AVL9: variants seen among roughly 807,000 people sequenced by gnomAD.
AVL9 encodes the protein AVL9 cell migration associated, also known as late secretory pathway protein AVL9 homolog.
In AVL9, 49 loss-of-function variants were observed where a neutral mutation model predicts 79.2. The ratio of observed to expected loss-of-function variants is 0.62; its 90% CI spans 0.49 to 0.79. AVL9 has a LOEUF of 0.79. Ranked by LOEUF, AVL9 falls within the 30% of genes least tolerant of loss-of-function variation. The pLI, the probability that AVL9 is intolerant of heterozygous loss-of-function variation, is 0.00. For synonymous variants in AVL9, 299 were observed against 280.6 expected (o/e 1.07, Z -0.65); for missense variants, 682 against 776.8 (o/e 0.88, Z 1.45).
At chr7:32,579,873 CT>C (rs1337611999) in intron 13 of AVL9, among the ~76,000 whole-genome samples, 1 of 151,134 alleles carries the variant, frequency 6.6e-6, no homozygotes, top group Non-Finnish European at 1.5e-5. Context: ...CTTGACTGTC[CT>C]GGGGAGCTTG....
At chr7:32,515,957 A>G (rs1783512743) in intron 1 of AVL9, among the ~76,000 whole-genome samples, 1 of 152,010 alleles carries the variant, frequency 6.6e-6, no homozygotes, top group Non-Finnish European at 1.5e-5. Context: ...ACTTTTCTCT[A>G]CCCTATTCCT....
chr7:32,531,144 ATTAG>A (rs1235999874), intron 1 of AVL9, among the ~76,000 whole-genome samples: 1 of 152,146 alleles, frequency 6.6e-6, no homozygotes, highest in Non-Finnish European at 1.5e-5. Context: ...CAGAAATGGC[ATTAG>A]TTAGTGATTG....
At chr7:32,575,867 G>C (rs1791071503) in intron 12 of AVL9, 88 bp from the exon 13 acceptor site, 3 of 881,560 alleles carry the variant, frequency 3.4e-6, no homozygotes, top group Non-Finnish European at 3.7e-6. Flanking sequence ...AGGGGATAAA[G>C]TCGTTCCTTT....
At chr7:32,557,864 T>TG (rs1790140803) in intron 8 of AVL9, among the ~76,000 whole-genome samples, 32 of 49,280 alleles carry the variant, frequency 6.5e-4, no homozygotes, top group South Asian at 1.7e-3. Context: ...TTTTTTTTTT[T>TG]TTTTTTTTTG....
intron 1 of AVL9, among the ~76,000 whole-genome samples, chr7:32,539,661 A>C (rs1789085631): frequency 6.6e-6 from 1 of 152,220 alleles, no homozygotes; most frequent in African/African-American, 2.4e-5. Flanking sequence ...CTTGCTGCTG[A>C]AAAATTACCA....
intron 13 of AVL9, among the ~76,000 whole-genome samples, chr7:32,577,449 C>A (rs944029442): frequency 6.6e-6 from 1 of 152,170 alleles, no homozygotes; most frequent in East Asian, 1.9e-4. Context: ...GGGCTGAGTT[C>A]AAAGTGTTCT....
At chr7:32,506,199 ATTTTAAACT>A (rs1466460492) in intron 1 of AVL9, among the ~76,000 whole-genome samples, 3 of 152,142 alleles carry the variant, frequency 2.0e-5, no homozygotes, top group African/African-American at 7.2e-5. Context: ...AATTTTAAAA[ATTTTAAACT>A]TTTTAAACAA....
At chr7:32,541,862 G>A (rs752184658) in intron 1 of AVL9, among the ~76,000 whole-genome samples, 6 of 152,072 alleles carry the variant, frequency 3.9e-5, no homozygotes, top group Admixed American at 6.5e-5. Context: ...TTACAGGCAT[G>A]TGCCACCACA....
chr7:32,503,373 T>C (rs144223685), intron 1 of AVL9, among the ~76,000 whole-genome samples: 98,250 of 105,478 alleles, frequency 0.93, 46,201 homozygotes, highest in Non-Finnish European at 1. Flanking sequence ...TATATATATA[T>C]ACACACACAC....
chr7:32,540,380 T>C (rs1363133035), intron 1 of AVL9, among the ~76,000 whole-genome samples: 11 of 152,212 alleles, frequency 7.2e-5, no homozygotes, highest in Admixed American at 6.5e-5. Context: ...CAGTGCTTCA[T>C]GAGTCAGGCA....
At chr7:32,563,000 G>A (rs1048858151) in intron 10 of AVL9, among the ~76,000 whole-genome samples, 26 of 152,084 alleles carry the variant, frequency 1.7e-4, no homozygotes, top group African/African-American at 3.9e-4. Context: ...TGCATATAAC[G>A]TGTGCACATC....
chr7:32,556,833 A>G (rs2128140797), intron 8 of AVL9, among the ~76,000 whole-genome samples: 1 of 152,044 alleles, frequency 6.6e-6, no homozygotes, highest in East Asian at 1.9e-4. Context: ...CGGTGTGATC[A>G]TGGCTCACTG....
At chr7:32,546,829 A>T (rs958906762) in intron 3 of AVL9, among the ~76,000 whole-genome samples, 8 of 150,660 alleles carry the variant, frequency 5.3e-5, no homozygotes, top group South Asian at 4.2e-4. Flanking sequence ...TCAAAAAAAT[A>T]AAAAAAATAA....
intron 13 of AVL9, among the ~76,000 whole-genome samples, chr7:32,578,949 CAGG>C (rs894731113): frequency 2.0e-5 from 3 of 152,052 alleles, no homozygotes; most frequent in African/African-American, 7.2e-5. Flanking sequence ...TAACAAGCAG[CAGG>C]TGTATTTCAT....
chr7:32,518,885 A>G (rs928514439), intron 1 of AVL9, among the ~76,000 whole-genome samples: 2 of 152,244 alleles, frequency 1.3e-5, no homozygotes, highest in African/African-American at 2.4e-5. Flanking sequence ...ACAAGATTTC[A>G]TTAGAAAAAT....
intron 1 of AVL9, among the ~76,000 whole-genome samples, chr7:32,510,697 A>G (rs1484535432): frequency 7.6e-6 from 1 of 131,902 alleles, no homozygotes; most frequent in Non-Finnish European, 1.7e-5. Flanking sequence ...GTGGGAGTCT[A>G]CAGTCCTGGC....
Position 32,544,746 on chromosome 7 carries a change from T to C in AVL9, c.267T>C (p.Phe89=). 2 of 1,613,896 alleles carry C rather than the reference T, an allele frequency of 1.2e-6. No individual in the cohort carries two copies. The highest frequency in any genetic ancestry group is 2.2e-5 in the East Asian group (1 of 44,822). The part of the protein sequence containing the change: ...PPRNGNGATV[F]GISCYRQIEA... Reference sequence around the variant, plus strand: ...GAAATGGAAATGGAGCCACAGTATTTGGTATCTCTTGCTATCGACAAATTG... The same window carrying C: ...GAAATGGAAATGGAGCCACAGTATTCGGTATCTCTTGCTATCGACAAATTG... Residue 89 remains phenylalanine (F), a synonymous_variant, in exon 3 of 16, where the codon TTT becomes TTC. Coordinates refer to ENST00000318709, the MANE Select transcript of AVL9 (RefSeq NM_015060.3).
rs576247098 is a variant in AVL9, at chr7:32,511,335, G to A, written c.93+15533G>A. Among the ~76,000 whole-genome samples the A allele has an allele frequency of 8.6e-5, 13 of 150,888 alleles. 1 individual carries two copies. In the South Asian group the frequency reaches 2.7e-3, roughly 32 times the overall value. ...TGTGAGCCGTCAGGTCTGCTTGTGG[G>A]AATCCACAGTCCTGGCACTTCTGAA... is the stretch of plus-strand genomic sequence containing the variant. On this transcript the variant is annotated intron_variant, in intron 1 of 15. Transcript: ENST00000318709.
intron 3 of AVL9, among the ~76,000 whole-genome samples, chr7:32,548,150 T>C (rs1562780533): frequency 7.9e-6 from 1 of 126,290 alleles, no homozygotes; most frequent in African/African-American, 2.9e-5. Context: ...ATCTCTTTTT[T>C]CTTTTTTTTT....
Sources: gnomAD v4.1 joint callset for allele counts (sites outside exome capture counted in the v4.1 genomes callset) on GRCh38, gnomAD v4.1.1 for gene constraint, MANE v1.5 for transcripts, NCBI Gene and HGNC (gene_info 2026-07-23, HGNC 2026-07-21) for gene names.